Variants in GRK3 observed in about 807,000 individuals in gnomAD.
The protein encoded by GRK3 is G protein-coupled receptor kinase 3, also known as adrenergic, beta, receptor kinase 2.
Under a neutral mutation model 95.7 loss-of-function variants are expected in GRK3, and 54 were observed. The observed-to-expected ratio is 0.56, with a 90% CI of 0.45 to 0.71. The LOEUF (loss-of-function observed/expected upper bound fraction) is 0.71, where lower values mean the gene tolerates loss of function less well. Ranked by LOEUF, GRK3 falls within the 30% of genes least tolerant of loss-of-function variation. The pLI, the probability that GRK3 is intolerant of heterozygous loss-of-function variation, is 0.00. For missense variants in GRK3, 649 were observed against 851.2 expected (o/e 0.76, Z 2.96); for synonymous variants, 281 against 290.8 (o/e 0.97, Z 0.34).
At chr22:25,577,309 A>G (rs1051715813) in intron 1 of GRK3, among the ~76,000 whole-genome samples, 8 of 151,852 alleles carry the variant, frequency 5.3e-5, no homozygotes. Context: ...AGTAGCTGGG[A>G]CTACAGATGT....
intron 12 of GRK3, among the ~76,000 whole-genome samples, chr22:25,691,882 T>C (rs532124923): frequency 1.3e-5 from 2 of 152,308 alleles, no homozygotes; most frequent in African/African-American, 4.8e-5. Flanking sequence ...TGTAAAGAGG[T>C]AGGACTGAGA....
At chr22:25,656,528 T>TA in intron 3 of GRK3, among the ~76,000 whole-genome samples, 1 of 152,130 alleles carries the variant, frequency 6.6e-6, no homozygotes, top group Admixed American at 6.5e-5. Context: ...GGTCTCACTG[T>TA]GTTGCCCAGG....
At chr22:25,637,967 G>A (rs771231358) in intron 2 of GRK3, among the ~76,000 whole-genome samples, 9 of 152,146 alleles carry the variant, frequency 5.9e-5, no homozygotes, top group East Asian at 1.9e-4. Flanking sequence ...GCCCACCTAC[G>A]TTATGGGGAG....
intron 10 of GRK3, among the ~76,000 whole-genome samples, chr22:25,685,564 C>G (rs1037370275): frequency 1.7e-4 from 26 of 152,142 alleles, no homozygotes; most frequent in African/African-American, 2.4e-5. Flanking sequence ...TTTCCTGGCC[C>G]TCAACTTTTA....
intron 17 of GRK3, 152 bp downstream of exon 17, chr22:25,711,315 G>T: frequency 6.2e-6 from 3 of 486,810 alleles, no homozygotes; most frequent in Non-Finnish European, 1.1e-5. Context: ...TGTAAGTTAA[G>T]GATCTAAATT....
intron 2 of GRK3, among the ~76,000 whole-genome samples, chr22:25,609,337 T>A (rs2084477240): frequency 7.3e-6 from 1 of 137,248 alleles, no homozygotes; most frequent in Admixed American, 7.3e-5. Flanking sequence ...AAACAGATCC[T>A]TTTTTTTTTT....
chr22:25,664,409 G>A (rs1360361973), intron 5 of GRK3, among the ~76,000 whole-genome samples: 4 of 151,846 alleles, frequency 2.6e-5, no homozygotes, highest in African/African-American at 9.7e-5. Flanking sequence ...ACAAGAAATA[G>A]GAAAGAATGT....
chr22:25,703,641 T>TA (rs891981359), intron 14 of GRK3, 65 bp downstream of exon 14: 5 of 1,172,636 alleles, frequency 4.3e-6, no homozygotes, highest in South Asian at 1.4e-5. Context: ...CCGTCAATAA[T>TA]AAAAAAATGC....
chr22:25,699,595 C>T (rs1486702877), intron 13 of GRK3, among the ~76,000 whole-genome samples: 2 of 152,150 alleles, frequency 1.3e-5, no homozygotes, highest in African/African-American at 4.8e-5. Context: ...AGGACCACTG[C>T]CCCAGAGCAA....
intron 3 of GRK3, among the ~76,000 whole-genome samples, chr22:25,658,163 G>C (rs1270074789): frequency 6.6e-6 from 1 of 152,022 alleles, no homozygotes; most frequent in Non-Finnish European, 1.5e-5. Flanking sequence ...TAACATTTGG[G>C]CTATCTTGGA....
At chr22:25,639,448 G>A (rs2084727110) in intron 2 of GRK3, among the ~76,000 whole-genome samples, 1 of 152,082 alleles carries the variant, frequency 6.6e-6, no homozygotes, top group Non-Finnish European at 1.5e-5. Flanking sequence ...GACTTAAATT[G>A]ACTATATAAA....
At chr22:25,712,268 G>A (rs747957715) in intron 17 of GRK3, among the ~76,000 whole-genome samples, 5 of 152,158 alleles carry the variant, frequency 3.3e-5, no homozygotes, top group African/African-American at 4.8e-5. Context: ...ACCAACTGAG[G>A]GACACCCTTC....
chr22:25,688,052 C>T (rs12168059), intron 11 of GRK3, among the ~76,000 whole-genome samples: 15,759 of 152,022 alleles, frequency 0.1, 917 homozygotes, highest in South Asian at 0.16. Context: ...CTGGCTAACA[C>T]AGTGAAACCC....
intron 2 of GRK3, among the ~76,000 whole-genome samples, chr22:25,629,900 A>G (rs1211646428): frequency 2.0e-5 from 3 of 152,174 alleles, no homozygotes; most frequent in East Asian, 1.9e-4. Flanking sequence ...TCCTCTACCA[A>G]GTGAATTTGG....
intron 19 of GRK3, among the ~76,000 whole-genome samples, chr22:25,720,266 A>T (rs762664331): frequency 2.0e-5 from 3 of 152,194 alleles, no homozygotes; most frequent in African/African-American, 4.8e-5. Context: ...AAAAGGTTCA[A>T]CATTTAGTGT....
At chr22:25,689,229 C>T (rs2085145969) in intron 11 of GRK3, among the ~76,000 whole-genome samples, 1 of 152,142 alleles carries the variant, frequency 6.6e-6, no homozygotes, top group African/African-American at 2.4e-5. Context: ...TGGCCCTTGA[C>T]ATTTTATTTC....
At chr22:25,674,405 TTA>T in intron 7 of GRK3, 30 bp from the exon 8 acceptor site, 1 of 1,539,202 alleles carries the variant, frequency 6.5e-7, no homozygotes. Context: ...TTGTGTAATC[TTA>T]TGTTTTCATT....
intron 1 of GRK3, among the ~76,000 whole-genome samples, chr22:25,578,221 C>T (rs1421367870): frequency 6.6e-6 from 1 of 152,036 alleles, no homozygotes; most frequent in East Asian, 1.9e-4. Flanking sequence ...CACATAGGCA[C>T]CTCATACACC....
intron 2 of GRK3, among the ~76,000 whole-genome samples, chr22:25,633,077 A>AT (rs551427982): frequency 2.2e-3 from 328 of 145,810 alleles, no homozygotes; most frequent in African/African-American, 5.3e-3. Context: ...AGCCTGGCTA[A>AT]TTTTTTTTTT....
Sources: allele counts gnomAD v4.1 joint callset (sites outside exome capture counted in the v4.1 genomes callset), GRCh38; gene constraint gnomAD v4.1.1; transcripts MANE v1.5; gene names NCBI Gene and HGNC (gene_info 2026-07-23, HGNC 2026-07-21).